Variants in TMEM108 observed in about 807,000 individuals in gnomAD.
The protein encoded by TMEM108 is transmembrane protein 108, also known as cancer/testis antigen 124.
A neutral mutation model predicts 35.1 loss-of-function variants in TMEM108; 12 were observed. The observed-to-expected ratio is 0.34, with a 90% CI of 0.22 to 0.55. The LOEUF (loss-of-function observed/expected upper bound fraction) is 0.55. Among genes scored for constraint, TMEM108 ranks in the 20% least tolerant of loss-of-function variants. TMEM108 has a pLI of 0.89. For missense variants in TMEM108, 680 were observed against 753.3 expected, an observed-to-expected ratio of 0.90 and a Z score of 1.14; for synonymous variants, 287 against 308.6, an observed-to-expected ratio of 0.93 and a Z score of 0.73.
chr3:133,321,090 G>T (rs1223536735), intron 3 of TMEM108, among the ~76,000 whole-genome samples: 2 of 151,750 alleles, frequency 1.3e-5, no homozygotes, highest in African/African-American at 2.4e-5. Flanking sequence ...ATCTCACAGG[G>T]CCCATAAAAC....
At chr3:133,131,297 C>T (rs968149664) in intron 2 of TMEM108, among the ~76,000 whole-genome samples, 1 of 151,898 alleles carries the variant, frequency 6.6e-6, no homozygotes, top group African/African-American at 2.4e-5. Flanking sequence ...AGTACACGCA[C>T]ACCTTATTTT....
intron 3 of TMEM108, among the ~76,000 whole-genome samples, chr3:133,257,960 A>G (rs1946570929): frequency 3.9e-5 from 6 of 152,226 alleles, no homozygotes; most frequent in Admixed American, 3.9e-4. Flanking sequence ...TGGGTAGGAC[A>G]GGATTCAGAT....
rs562787680 is a variant in TMEM108, at chr3:133,141,902, G to C, written c.-46-87364G>C. On this transcript the variant is annotated intron_variant, in intron 2 of 5. Coordinates refer to ENST00000321871, the MANE Select transcript of TMEM108 (RefSeq NM_023943.4). ...TTGGAATGAATCTCATTTTCCCACT[G>C]TCCTTGGTATTATTGGACAGGATTT... is the stretch of plus-strand genomic sequence containing the variant. 1.1e-3 allele frequency among the ~76,000 whole-genome samples: 162 copies of C among 152,278 alleles called. 1 individual carries two copies. Among genetic ancestry groups the C allele is most frequent in the African/African-American group, 3.6e-3 (151 of 41,560 alleles).
intron 2 of TMEM108, among the ~76,000 whole-genome samples, chr3:133,179,940 A>G (rs1220070786): frequency 2.6e-5 from 4 of 152,216 alleles, no homozygotes; most frequent in South Asian, 4.1e-4. Context: ...AGTAGCCTCA[A>G]TATAAGAAGC....
chr3:133,082,491 G>A (rs1943825336), intron 2 of TMEM108, among the ~76,000 whole-genome samples: 1 of 152,104 alleles, frequency 6.6e-6, no homozygotes, highest in Non-Finnish European at 1.5e-5. Flanking sequence ...CATATTGAGG[G>A]TAGCCAAATG....
intron 3 of TMEM108, among the ~76,000 whole-genome samples, chr3:133,265,522 G>A (rs147030153): frequency 3.3e-5 from 5 of 152,214 alleles, no homozygotes; most frequent in South Asian, 4.1e-4. Flanking sequence ...GAGCCTTTGC[G>A]AACCAATGTG....
At chr3:133,206,596 T>C (rs1390789194) in intron 2 of TMEM108, among the ~76,000 whole-genome samples, 1 of 152,220 alleles carries the variant, frequency 6.6e-6, no homozygotes, top group Non-Finnish European at 1.5e-5. Context: ...GGAGGTCAAC[T>C]CCAGATCCTC....
chr3:133,158,129 G>A (rs1944906201), intron 2 of TMEM108, among the ~76,000 whole-genome samples: 1 of 151,998 alleles, frequency 6.6e-6, no homozygotes, highest in African/African-American at 2.4e-5. Flanking sequence ...ACAGAGTTGG[G>A]TTCTGCCCTC....
At chr3:133,121,361 T>A (rs1944350137) in intron 2 of TMEM108, among the ~76,000 whole-genome samples, 1 of 152,236 alleles carries the variant, frequency 6.6e-6, no homozygotes. Flanking sequence ...AATTTGTTTT[T>A]TGCTCCTGTG....
chr3:133,313,876 T>C (rs1396352021), intron 3 of TMEM108, among the ~76,000 whole-genome samples: 1 of 152,112 alleles, frequency 6.6e-6, no homozygotes, highest in Non-Finnish European at 1.5e-5. Flanking sequence ...AGAGAGCATT[T>C]ATAATGGCAT....
intron 2 of TMEM108, among the ~76,000 whole-genome samples, chr3:133,046,851 G>C (rs1576290310): frequency 1.6e-5 from 1 of 61,802 alleles, no homozygotes; most frequent in South Asian, 5.0e-4. Context: ...TGAGGGATAG[G>C]AGGTTAAAGA....
chr3:133,124,208 C>T (rs557265498), intron 2 of TMEM108, among the ~76,000 whole-genome samples: 2 of 152,180 alleles, frequency 1.3e-5, no homozygotes, highest in East Asian at 1.9e-4. Flanking sequence ...CATTTGGGAC[C>T]GTGTTGTTTC....
chr3:133,099,245 T>A (rs1055765773), intron 2 of TMEM108, among the ~76,000 whole-genome samples: 1 of 152,186 alleles, frequency 6.6e-6, no homozygotes, highest in Non-Finnish European at 1.5e-5. Context: ...CGTTGGCTCC[T>A]TTCAGCCATG....
chr3:133,174,252 C>T (rs543366055), intron 2 of TMEM108, among the ~76,000 whole-genome samples: 101 of 152,338 alleles, frequency 6.6e-4, no homozygotes, highest in Middle Eastern at 3.4e-3. Context: ...CGTCTGGGGA[C>T]GGGGCATTGC....
intron 2 of TMEM108, among the ~76,000 whole-genome samples, chr3:133,188,881 T>TC (rs2107812057): frequency 6.6e-6 from 1 of 152,326 alleles, no homozygotes; most frequent in African/African-American, 2.4e-5. Flanking sequence ...ATCTATAATG[T>TC]AGGTCTGCCA....
intron 3 of TMEM108, chr3:133,246,074 G>T (rs1318333422): frequency 6.6e-6 from 1 of 151,776 alleles, no homozygotes; most frequent in Admixed American, 6.6e-5. Context: ...TAAAACTTAC[G>T]ATTGGAAAAG....
chr3:133,291,585 G>A (rs1947070184), intron 3 of TMEM108, among the ~76,000 whole-genome samples: 1 of 133,660 alleles, frequency 7.5e-6, no homozygotes, highest in Non-Finnish European at 1.7e-5. Flanking sequence ...GCCTACCAGT[G>A]AGTTTTTTTT....
At chr3:133,147,556 G>A (rs9827611) in intron 2 of TMEM108, among the ~76,000 whole-genome samples, 16,421 of 152,184 alleles carry the variant, frequency 0.11, 1,040 homozygotes, top group Non-Finnish European at 0.14. Context: ...GTCTGTTCAT[G>A]TCCTTTGCCC....
intron 2 of TMEM108, among the ~76,000 whole-genome samples, chr3:133,062,020 G>T (rs898805390): frequency 6.6e-6 from 1 of 152,156 alleles, no homozygotes; most frequent in Non-Finnish European, 1.5e-5. Flanking sequence ...AATTAATTAG[G>T]TATCCTAAAA....
Sources: allele counts gnomAD v4.1 joint callset (sites outside exome capture counted in the v4.1 genomes callset), GRCh38; gene constraint gnomAD v4.1.1; transcripts MANE v1.5; gene names NCBI Gene and HGNC (gene_info 2026-07-23, HGNC 2026-07-21).